Variants in BAZ2B observed in about 807,000 individuals in gnomAD.
BAZ2B encodes the protein bromodomain adjacent to zinc finger domain protein 2B.
A neutral mutation model predicts 246.0 loss-of-function variants in BAZ2B; 91 were observed. The ratio of observed to expected loss-of-function variants is 0.37; its 90% CI spans 0.31 to 0.44. BAZ2B has a LOEUF of 0.44. Among genes scored for constraint, BAZ2B ranks in the 20% least tolerant of loss-of-function variants. The pLI is 1.00. For synonymous variants in BAZ2B, 855 were observed against 860.0 expected, an observed-to-expected ratio of 0.99 and a Z score of 0.10; for missense variants, 2,332 against 2,533.7, an observed-to-expected ratio of 0.92 and a Z score of 1.71.
chr2:159,611,276 A>G (rs982436932), intron 1 of BAZ2B, among the ~76,000 whole-genome samples: 2 of 151,928 alleles, frequency 1.3e-5, no homozygotes, highest in Non-Finnish European at 2.9e-5. Flanking sequence ...TCCTTTAAAA[A>G]AAAGTTCACA....
chr2:159,467,998 T>C (rs761994025), intron 3 of BAZ2B, among the ~76,000 whole-genome samples: 76 of 152,294 alleles, frequency 5.0e-4, no homozygotes, highest in Non-Finnish European at 9.0e-4. Context: ...AGGGGAAATC[T>C]TGGTAGTGAG....
At chr2:159,649,036 TG>T in the BAZ2B span, among the ~76,000 whole-genome samples, 1 of 152,230 alleles carries the variant, frequency 6.6e-6, no homozygotes, top group African/African-American at 2.4e-5. Flanking sequence ...TGGTGTTATC[TG>T]GTTGTGATAT....
intron 34 of BAZ2B, among the ~76,000 whole-genome samples, chr2:159,328,221 G>A (rs1157784787): frequency 6.6e-6 from 1 of 151,980 alleles, no homozygotes; most frequent in African/African-American, 2.4e-5. Context: ...CTTTTATCAA[G>A]TTACTCTGTT....
At chr2:159,700,287 T>C in the BAZ2B span, among the ~76,000 whole-genome samples, 1 of 152,216 alleles carries the variant, frequency 6.6e-6, no homozygotes, top group Non-Finnish European at 1.5e-5. Flanking sequence ...AAGTGCCCTA[T>C]ATAAAAAGGT....
the BAZ2B span, among the ~76,000 whole-genome samples, chr2:159,658,036 C>G: frequency 6.6e-6 from 1 of 152,196 alleles, no homozygotes; most frequent in Non-Finnish European, 1.5e-5. Context: ...CATCTATTCT[C>G]TCACTATTAA....
the BAZ2B span, among the ~76,000 whole-genome samples, chr2:159,708,250 T>G: frequency 6.6e-6 from 1 of 151,972 alleles, no homozygotes; most frequent in Non-Finnish European, 1.5e-5. Flanking sequence ...GCTATGATGG[T>G]ACCGCCGGGT....
intron 27 of BAZ2B, among the ~76,000 whole-genome samples, chr2:159,364,397 CT>C (rs2060010793): frequency 1.3e-5 from 2 of 152,108 alleles, no homozygotes; most frequent in African/African-American, 4.8e-5. Flanking sequence ...GTCAGTTGGA[CT>C]TTTTTTCTTT....
At chr2:159,674,244 A>G in the BAZ2B span, among the ~76,000 whole-genome samples, 3 of 151,172 alleles carry the variant, frequency 2.0e-5, no homozygotes. Flanking sequence ...CTGAGATGGG[A>G]GGATCACCTG....
In BAZ2B at chr2:159,524,062, C is replaced by G. The variant is rs112117194; in HGVS notation, c.-3+31761G>C. On this transcript the variant is annotated intron_variant, in intron 2 of 36. Transcript: ENST00000392783. ...CATATAAAAAACAAGAATTTACACT[C>G]AGCAAAATTTTAAATTGATTCAGCA... Among the ~76,000 whole-genome samples the G allele has an allele frequency of 2.6e-5, 4 of 152,222 alleles. 1 individual carries two copies. The highest frequency in any genetic ancestry group is 9.6e-5 in the African/African-American group (4 of 41,534).
At chr2:159,689,157 C>T in the BAZ2B span, 7 of 398,274 alleles carry the variant, frequency 1.8e-5, no homozygotes, top group Non-Finnish European at 2.3e-5. Flanking sequence ...TCCATAAAAG[C>T]GCACGTATTT....
At chr2:159,563,547 T>C (rs901248199) in intron 1 of BAZ2B, among the ~76,000 whole-genome samples, 13 of 152,148 alleles carry the variant, frequency 8.5e-5, no homozygotes, top group Non-Finnish European at 1.5e-4. Flanking sequence ...AGACATTATA[T>C]GTTAAGTAAA....
chr2:159,701,362 T>C, the BAZ2B span, among the ~76,000 whole-genome samples: 2 of 151,978 alleles, frequency 1.3e-5, no homozygotes, highest in Non-Finnish European at 1.5e-5. Context: ...TAAATAATAA[T>C]GAAGGCCACT....
At chr2:159,655,713 T>C in the BAZ2B span, among the ~76,000 whole-genome samples, 1 of 152,244 alleles carries the variant, frequency 6.6e-6, no homozygotes. Context: ...TCAAGTTTAC[T>C]GAGTGTTTCA....
At chr2:159,402,871 C>T (rs552339586) in intron 16 of BAZ2B, among the ~76,000 whole-genome samples, 1 of 152,204 alleles carries the variant, frequency 6.6e-6, no homozygotes, top group East Asian at 1.9e-4. Flanking sequence ...AGCCACTGAG[C>T]CGGTCACTTT....
chr2:159,697,388 T>C, the BAZ2B span, among the ~76,000 whole-genome samples: 1 of 152,122 alleles, frequency 6.6e-6, no homozygotes, highest in Non-Finnish European at 1.5e-5. Context: ...ACTCCTACCA[T>C]AACAAACAAT....
intron 2 of BAZ2B, among the ~76,000 whole-genome samples, chr2:159,545,325 T>C (rs539494715): frequency 5.3e-5 from 8 of 152,310 alleles, no homozygotes; most frequent in Middle Eastern, 6.8e-3. Flanking sequence ...TGCTTAGTTC[T>C]ACCCTGCCAG....
At chr2:159,400,369 T>G (rs902127417) in intron 17 of BAZ2B, among the ~76,000 whole-genome samples, 1 of 152,222 alleles carries the variant, frequency 6.6e-6, no homozygotes, top group Non-Finnish European at 1.5e-5. Context: ...CTCCACTGAC[T>G]GCTCAGAAGT....
At chr2:159,544,417 AG>A (rs779610903) in intron 2 of BAZ2B, among the ~76,000 whole-genome samples, 1 of 152,222 alleles carries the variant, frequency 6.6e-6, no homozygotes, top group Non-Finnish European at 1.5e-5. Flanking sequence ...TTTGTGAAGA[AG>A]CTGAAGATAA....
chr2:159,402,496 AAACC>A (rs1473069786), intron 16 of BAZ2B, among the ~76,000 whole-genome samples: 5 of 152,080 alleles, frequency 3.3e-5, no homozygotes, highest in African/African-American at 1.2e-4. Flanking sequence ...ACAAAACCCA[AAACC>A]CCAAAGTGTA....
Sources: gnomAD v4.1 joint callset for allele counts (sites outside exome capture counted in the v4.1 genomes callset) on GRCh38, gnomAD v4.1.1 for gene constraint, MANE v1.5 for transcripts, NCBI Gene and HGNC (gene_info 2026-07-23, HGNC 2026-07-21) for gene names.